The following PCDH11X variants were observed in gnomAD, a reference collection of about 807,000 sequenced individuals.
PCDH11X encodes the protein protocadherin 11 X-linked, also known as protocadherin-11 X-linked.
In PCDH11X, 18 loss-of-function variants were observed where a neutral mutation model predicts 53.3. The ratio of observed to expected loss-of-function variants is 0.34; its 90% CI spans 0.23 to 0.50. The LOEUF (loss-of-function observed/expected upper bound fraction) is 0.50. PCDH11X is among the 20% of genes least tolerant of loss of function. The pLI, the probability that PCDH11X is intolerant of heterozygous loss-of-function variation, is 0.98. For missense variants in PCDH11X, 570 were observed against 1,032.4 expected (o/e 0.55, Z 6.14); for synonymous variants, 279 against 393.3 (o/e 0.71, Z 3.44).
intron 10 of PCDH11X, among the ~76,000 whole-genome samples, chrX:92,515,079 A>C (rs2074240633): frequency 9.8e-6 from 1 of 101,937 alleles, no homozygotes; most frequent in African/African-American, 3.5e-5. Flanking sequence ...GAAAAGAATC[A>C]CCCTTATCCT....
At chrX:91,950,589 GATAT>G (rs72440976) in intron 6 of PCDH11X, among the ~76,000 whole-genome samples, 5 of 99,461 alleles carry the variant, frequency 5.0e-5, no homozygotes, top group East Asian at 6.2e-4. Context: ...ATATAAATGT[GATAT>G]ATATATATAT....
intron 6 of PCDH11X, among the ~76,000 whole-genome samples, chrX:92,016,366 G>C (rs962808774): frequency 1.8e-5 from 2 of 108,357 alleles, no homozygotes; most frequent in African/African-American, 6.7e-5. Flanking sequence ...GCCAGGTATT[G>C]ACTTCTCTGT....
At chrX:91,862,605 A>T in intron 5 of PCDH11X, among the ~76,000 whole-genome samples, 1 of 88,300 alleles carries the variant, frequency 1.1e-5, no homozygotes, top group Admixed American at 1.3e-4. Flanking sequence ...ATTTCATTTT[A>T]TTCTACTCTA....
In PCDH11X at chrX:91,958,528, G is replaced by A. The variant is rs560158210; in HGVS notation, c.3033+79255G>A. Among the ~76,000 whole-genome samples the A allele has an allele frequency of 1.5e-3, 166 of 110,818 alleles. 3 individuals carry two copies. The South Asian group carries it at 0.061, about 41-fold the overall frequency. ...TTGCAAAGATCCATGAGAGAAGTGC[G>A]GTTTTTCAGGTGGGGTTGCGCAATC... On this transcript the variant is annotated intron_variant, in intron 6 of 10. Coordinates refer to ENST00000682573, the MANE Select transcript of PCDH11X (RefSeq NM_032968.5).
At chrX:92,009,560 G>A (rs780601277) in intron 6 of PCDH11X, among the ~76,000 whole-genome samples, 1 of 110,673 alleles carries the variant, frequency 9.0e-6, no homozygotes, top group Admixed American at 9.7e-5. Context: ...ATTGTTTTAA[G>A]CATACCAATA....
intron 5 of PCDH11X, among the ~76,000 whole-genome samples, chrX:91,860,381 T>C (rs764938572): frequency 1.9e-5 from 2 of 105,676 alleles, no homozygotes; most frequent in Non-Finnish European, 3.9e-5. Flanking sequence ...GACAATGGGG[T>C]TTTCTAGATT....
At chrX:92,389,993 C>T (rs1206802045) in intron 9 of PCDH11X, among the ~76,000 whole-genome samples, 1 of 109,631 alleles carries the variant, frequency 9.1e-6, no homozygotes, top group African/African-American at 3.3e-5. Flanking sequence ...GTTGCTCAAT[C>T]GATTTTATTT....
At chrX:92,547,233 G>T (rs1163030615) in intron 10 of PCDH11X, among the ~76,000 whole-genome samples, 2 of 106,539 alleles carry the variant, frequency 1.9e-5, no homozygotes, top group East Asian at 5.8e-4. Flanking sequence ...ATTAATGATT[G>T]ATTTCTCTAT....
intron 6 of PCDH11X, among the ~76,000 whole-genome samples, chrX:92,170,413 G>C (rs1208716218): frequency 9.1e-6 from 1 of 110,358 alleles, no homozygotes; most frequent in Non-Finnish European, 1.9e-5. Context: ...ATTACTGAAA[G>C]AGAGCTCAAA....
At chrX:92,599,306 G>A (rs1283339012) in intron 10 of PCDH11X, among the ~76,000 whole-genome samples, 6 of 111,902 alleles carry the variant, frequency 5.4e-5, no homozygotes, top group Admixed American at 9.4e-5. Flanking sequence ...TATGTGCTCT[G>A]ATATGGCTTG....
At chrX:92,532,324 G>C (rs35117843) in intron 10 of PCDH11X, among the ~76,000 whole-genome samples, 1 of 111,056 alleles carries the variant, frequency 9.0e-6, no homozygotes, top group African/African-American at 3.3e-5. Flanking sequence ...TGGTTCTAAG[G>C]TTCCTTCATT....
intron 6 of PCDH11X, among the ~76,000 whole-genome samples, chrX:91,928,746 G>C (rs1446197964): frequency 9.2e-6 from 1 of 108,722 alleles, no homozygotes; most frequent in East Asian, 2.9e-4. Context: ...TTATTTTCAA[G>C]TGTTGTGATC....
chrX:92,541,041 G>A (rs984561645), intron 10 of PCDH11X, among the ~76,000 whole-genome samples: 1 of 110,861 alleles, frequency 9.0e-6, no homozygotes, highest in Non-Finnish European at 1.9e-5. Context: ...TCTCTTAGCT[G>A]CCCCAGCTGG....
intron 6 of PCDH11X, among the ~76,000 whole-genome samples, chrX:91,956,062 G>C (rs904203826): frequency 4.5e-5 from 5 of 109,963 alleles, no homozygotes; most frequent in Middle Eastern, 9.4e-3. Context: ...TTTTATTAGA[G>C]ACTAGGATTG....
At chrX:92,487,416 T>C (rs1280331230) in intron 10 of PCDH11X, among the ~76,000 whole-genome samples, 4 of 111,493 alleles carry the variant, frequency 3.6e-5, no homozygotes, top group Non-Finnish European at 7.5e-5. Context: ...TTTAATTTTT[T>C]AAACTTTACA....
intron 5 of PCDH11X, among the ~76,000 whole-genome samples, chrX:91,866,854 A>G: frequency 9.1e-6 from 1 of 110,295 alleles, no homozygotes; most frequent in East Asian, 2.9e-4. Flanking sequence ...TTCTTTTAGT[A>G]TTGTGGCATA....
At chrX:92,344,028 T>C (rs1195629599) in intron 8 of PCDH11X, among the ~76,000 whole-genome samples, 2 of 110,338 alleles carry the variant, frequency 1.8e-5, no homozygotes, top group South Asian at 3.9e-4. Context: ...CATTATTCTA[T>C]ATATAGTAGG....
At chrX:92,106,314 G>A (rs1445859441) in intron 6 of PCDH11X, among the ~76,000 whole-genome samples, 1 of 102,700 alleles carries the variant, frequency 9.7e-6, no homozygotes, top group Non-Finnish European at 1.9e-5. Flanking sequence ...CTAGATTTTT[G>A]TCCTAAATTA....
Position 92,620,195 on chromosome X carries a change from A to G in PCDH11X, c.*1255A>G, listed in dbSNP as rs1193660138. On this transcript the variant is annotated 3_prime_UTR_variant, in exon 11 of 11. Transcript: ENST00000682573. ...CTGCTTCTTGCAGTCAACAAGAAATACCAATAACACACACAGAACAAAAAC... is the reference window on the plus strand; with the variant it reads ...CTGCTTCTTGCAGTCAACAAGAAATGCCAATAACACACACAGAACAAAAAC... The G allele has an allele frequency of 9.0e-6, 1 of 111,100 alleles. No homozygotes were observed. The highest frequency in any genetic ancestry group is 1.9e-5 in the Non-Finnish European group (1 of 52,917). The allele number at this position is 111,100 out of a possible 1,213,427, so 9.2% of individuals were successfully genotyped here. A position where few individuals can be genotyped will look rare whatever the true frequency, so the allele number is the denominator to read the frequency against.
Sources: gnomAD v4.1 joint callset for allele counts (sites outside exome capture counted in the v4.1 genomes callset) on GRCh38, gnomAD v4.1.1 for gene constraint, MANE v1.5 for transcripts, NCBI Gene and HGNC (gene_info 2026-07-23, HGNC 2026-07-21) for gene names.